Variants in TENM1 observed in about 807,000 individuals in gnomAD.
TENM1 encodes the protein teneurin-1.
Under a neutral mutation model 174.8 loss-of-function variants are expected in TENM1, and 35 were observed. The ratio of observed to expected loss-of-function variants is 0.20; its 90% CI spans 0.15 to 0.27. The LOEUF is 0.27. Among genes scored for constraint, TENM1 ranks in the 10% least tolerant of loss-of-function variants. TENM1 has a pLI of 1.00. For missense variants in TENM1, 1,633 were observed against 2,130.1 expected (o/e 0.77, Z 4.59); for synonymous variants, 781 against 798.7 (o/e 0.98, Z 0.37).
At chrX:124,611,020 T>C (rs760563403) in intron 11 of TENM1, among the ~76,000 whole-genome samples, 6 of 111,021 alleles carry the variant, frequency 5.4e-5, no homozygotes, top group Non-Finnish European at 9.4e-5. Context: ...AGTGGCTTGA[T>C]GGGACACTTG....
chrX:124,766,089 T>C (rs1408772540), intron 3 of TENM1, among the ~76,000 whole-genome samples: 1 of 111,668 alleles, frequency 9.0e-6, no homozygotes, highest in African/African-American at 3.3e-5. Context: ...ATTTGCTCCT[T>C]ACAACAGGAG....
At chrX:125,114,834 C>T in the TENM1 span, among the ~76,000 whole-genome samples, 28 of 111,741 alleles carry the variant, frequency 2.5e-4, 1 homozygote, top group Middle Eastern at 0.018. Context: ...GGTACCATTC[C>T]TTCTGAAACT....
the TENM1 span, among the ~76,000 whole-genome samples, chrX:125,093,465 G>C: frequency 8.9e-6 from 1 of 112,083 alleles, no homozygotes; most frequent in African/African-American, 3.2e-5. Context: ...AAATATTATA[G>C]ATAGGATGAT....
At chrX:124,653,748 C>T (rs1441790847) in exon 7 of TENM1, 3 of 1,211,657 alleles carry the variant, frequency 2.5e-6, no homozygotes, top group South Asian at 1.8e-5. Context: ...CCAATGTCAA[C>T]TTCTCCAGTG....
chrX:124,463,366 A>G (rs2061200556), intron 22 of TENM1, among the ~76,000 whole-genome samples: 1 of 112,127 alleles, frequency 8.9e-6, no homozygotes, highest in Admixed American at 9.5e-5. Flanking sequence ...ATAAAGTATT[A>G]TGGTGGTGCT....
At chrX:124,811,366 G>T (rs926245348) in intron 3 of TENM1, among the ~76,000 whole-genome samples, 1 of 111,592 alleles carries the variant, frequency 9.0e-6, no homozygotes, top group African/African-American at 3.3e-5. Context: ...GTCTGAATCA[G>T]TGTTTCTCAA....
the TENM1 span, among the ~76,000 whole-genome samples, chrX:125,012,856 A>T: frequency 1.8e-5 from 2 of 112,215 alleles, no homozygotes; most frequent in Non-Finnish European, 3.8e-5. Context: ...GAGGTAATTC[A>T]GTATCTAGTC....
intron 18 of TENM1, among the ~76,000 whole-genome samples, chrX:124,504,084 T>C (rs918125795): frequency 8.9e-6 from 1 of 111,875 alleles, no homozygotes; most frequent in Non-Finnish European, 1.9e-5. Flanking sequence ...GTAGGAGAAG[T>C]GCAGGTAGGG....
chrX:125,183,630 T>A, the TENM1 span, among the ~76,000 whole-genome samples: 1 of 111,343 alleles, frequency 9.0e-6, no homozygotes, highest in South Asian at 3.8e-4. Context: ...CACAGCAGCA[T>A]CCCAAAGTGA....
At chrX:124,510,949 T>A (rs1352610090) in intron 18 of TENM1, among the ~76,000 whole-genome samples, 3 of 112,342 alleles carry the variant, frequency 2.7e-5, no homozygotes, top group Non-Finnish European at 5.6e-5. Flanking sequence ...TTTCACAGTC[T>A]ACTAATGGGT....
chrX:124,594,797 T>C (rs1027210726), intron 11 of TENM1, among the ~76,000 whole-genome samples: 4 of 112,144 alleles, frequency 3.6e-5, no homozygotes, highest in Non-Finnish European at 5.6e-5. Context: ...CTCTGTTTGA[T>C]ACTCAAAAGT....
chrX:124,741,473 A>T (rs2148559412), intron 3 of TENM1, among the ~76,000 whole-genome samples: 1 of 111,734 alleles, frequency 8.9e-6, no homozygotes, highest in Admixed American at 9.5e-5. Context: ...ACACCTAACC[A>T]AAGGGTTATG....
chrX:124,803,841 ATG>A (rs931434939), intron 3 of TENM1, among the ~76,000 whole-genome samples: 1 of 112,505 alleles, frequency 8.9e-6, no homozygotes, highest in Non-Finnish European at 1.9e-5. Flanking sequence ...AACTCAGCCA[ATG>A]TACTTTTACA....
the TENM1 span, among the ~76,000 whole-genome samples, chrX:124,968,997 T>C: frequency 8.9e-6 from 1 of 112,053 alleles, no homozygotes; most frequent in Admixed American, 9.5e-5. Context: ...AAAGGATAGG[T>C]TCCCATGTGC....
the TENM1 span, among the ~76,000 whole-genome samples, chrX:125,023,972 CA>C: frequency 9.0e-6 from 1 of 111,603 alleles, no homozygotes; most frequent in Non-Finnish European, 1.9e-5. Context: ...AACAAACAGA[CA>C]AAAAAATGCT....
chrX:125,150,206 G>A, the TENM1 span, among the ~76,000 whole-genome samples: 1 of 111,925 alleles, frequency 8.9e-6, no homozygotes, highest in Non-Finnish European at 1.9e-5. Flanking sequence ...TGCAGACTAC[G>A]CTTACATGAA....
At chrX:124,942,809 C>T (rs1044004401) in intron 1 of TENM1, among the ~76,000 whole-genome samples, 1 of 110,849 alleles carries the variant, frequency 9.0e-6, no homozygotes, top group Admixed American at 9.7e-5. Flanking sequence ...AAAGACATAT[C>T]GCCAGTTTTA....
At chrX:124,751,628 C>A (rs1415372325) in intron 3 of TENM1, among the ~76,000 whole-genome samples, 7 of 94,526 alleles carry the variant, frequency 7.4e-5, no homozygotes, top group Non-Finnish European at 1.3e-4. Flanking sequence ...TCTCCTAATG[C>A]TATCCCTCCC....
chrX:125,097,378 G>A, the TENM1 span, among the ~76,000 whole-genome samples: 2 of 111,515 alleles, frequency 1.8e-5, no homozygotes, highest in Admixed American at 1.9e-4. Context: ...TGTCTCTATC[G>A]ATTCTGAGTA....
Sources: allele counts gnomAD v4.1 joint callset (sites outside exome capture counted in the v4.1 genomes callset), GRCh38; gene constraint gnomAD v4.1.1; transcripts MANE v1.5; gene names NCBI Gene and HGNC (gene_info 2026-07-23, HGNC 2026-07-21).